The following PCDHA8 variants were observed in gnomAD, a reference collection of about 807,000 sequenced individuals.
The protein encoded by PCDHA8 is protocadherin alpha-8.
In PCDHA8, 53 loss-of-function variants were observed where a neutral mutation model predicts 61.8. That is an observed-to-expected ratio of 0.86 (90% CI 0.69 to 1.08). The LOEUF (loss-of-function observed/expected upper bound fraction) is 1.08, where lower values mean the gene tolerates loss of function less well. Among genes scored for constraint, PCDHA8 ranks in the 50% least tolerant of loss-of-function variants. The probability of loss-of-function intolerance (pLI) is 0.00; values close to 1 mark genes in which losing one functional copy is unlikely to be tolerated. For synonymous variants in PCDHA8, 618 were observed against 556.6 expected, an observed-to-expected ratio of 1.11 and a Z score of -1.55; for missense variants, 1,293 against 1,245.0, an observed-to-expected ratio of 1.04 and a Z score of -0.58.
chr5:140,870,319 T>A, intron 1 of PCDHA8: 1 of 1,614,162 alleles, frequency 6.2e-7, no homozygotes, highest in Non-Finnish European at 8.5e-7. Context: ...TTACTACTCG[T>A]TGGTGCTGGA....
chr5:140,914,944 C>CTTT (rs35695909), intron 1 of PCDHA8, among the ~76,000 whole-genome samples: 2 of 128,266 alleles, frequency 1.6e-5, no homozygotes, highest in Non-Finnish European at 3.3e-5. Context: ...GAAAAGTTGT[C>CTTT]TTTTTTTTTT....
chr5:140,950,100 A>G (rs964595718), intron 1 of PCDHA8, among the ~76,000 whole-genome samples: 1 of 151,910 alleles, frequency 6.6e-6, no homozygotes, highest in Non-Finnish European at 1.5e-5. Flanking sequence ...CATTTGTATT[A>G]AATCTCATAC....
chr5:140,920,841 TAA>T (rs781921146), intron 1 of PCDHA8, among the ~76,000 whole-genome samples: 15 of 109,130 alleles, frequency 1.4e-4, no homozygotes, highest in Admixed American at 1.9e-4. Flanking sequence ...AGACCAAATC[TAA>T]AAAAAAAAAA....
At chr5:140,869,020 T>C in intron 1 of PCDHA8, 8 of 1,525,458 alleles carry the variant, frequency 5.2e-6, no homozygotes, top group Non-Finnish European at 7.0e-6. Flanking sequence ...TTCTTAAGAA[T>C]TCAACGAGAT....
intron 1 of PCDHA8, among the ~76,000 whole-genome samples, chr5:140,906,524 G>A (rs1401305370): frequency 2.0e-5 from 3 of 152,156 alleles, no homozygotes; most frequent in Non-Finnish European, 2.9e-5. Context: ...AAATACTCAC[G>A]ACAATTAAAA....
At chr5:140,911,474 C>T (rs782702993) in intron 1 of PCDHA8, among the ~76,000 whole-genome samples, 45 of 152,144 alleles carry the variant, frequency 3.0e-4, no homozygotes, top group Non-Finnish European at 2.8e-4. Flanking sequence ...ATAAGACTCT[C>T]ACTCAGGGCA....
At chr5:141,009,271 A>G (rs1420991909) in intron 3 of PCDHA8, among the ~76,000 whole-genome samples, 15 of 152,156 alleles carry the variant, frequency 9.9e-5, no homozygotes, top group Admixed American at 6.5e-4. Context: ...CCTGGGCAAC[A>G]TAGTGAGATC....
At chr5:140,966,687 G>A in intron 1 of PCDHA8, 1 of 1,340,546 alleles carries the variant, frequency 7.5e-7, no homozygotes, top group East Asian at 2.9e-5. Flanking sequence ...ACGAGCGGAG[G>A]CGGGGCCCGG....
At chr5:140,850,806 G>A (rs1359393363) in intron 1 of PCDHA8, 2 of 1,598,276 alleles carry the variant, frequency 1.3e-6, no homozygotes, top group Non-Finnish European at 1.7e-6. Flanking sequence ...CGACCTCATG[G>A]CCTTCAGCCC....
intron 1 of PCDHA8, among the ~76,000 whole-genome samples, chr5:140,960,371 T>A (rs2095543916): frequency 6.6e-6 from 1 of 152,196 alleles, no homozygotes; most frequent in Non-Finnish European, 1.5e-5. Context: ...TGCCAACTCT[T>A]AAGTGCCAAG....
At chr5:140,975,750 CTA>C (rs2096680444) in intron 1 of PCDHA8, among the ~76,000 whole-genome samples, 2 of 152,118 alleles carry the variant, frequency 1.3e-5, no homozygotes, top group African/African-American at 4.8e-5. Flanking sequence ...CTCAAATATT[CTA>C]TGTCATAAAT....
At chr5:140,974,105 A>G (rs1173287678) in intron 1 of PCDHA8, among the ~76,000 whole-genome samples, 1 of 152,246 alleles carries the variant, frequency 6.6e-6, no homozygotes, top group African/African-American at 2.4e-5. Context: ...GGTTAAAAGT[A>G]TTCTTTTGCA....
chr5:141,000,887 AAC>A (rs1554257872), intron 3 of PCDHA8, among the ~76,000 whole-genome samples: 4 of 152,188 alleles, frequency 2.6e-5, no homozygotes. Context: ...CAACCTGGGC[AAC>A]AGATATAGAC....
intron 1 of PCDHA8, chr5:140,929,032 T>C (rs781951889): frequency 1.9e-6 from 3 of 1,614,236 alleles, no homozygotes; most frequent in East Asian, 2.2e-5. Flanking sequence ...CCCAGGCTGT[T>C]GCGCTCAGAG....
At position 140,856,354 on chromosome 5, in the gene PCDHA8, C is replaced by T. The variant is rs2043948019; in HGVS notation, c.2394+12639C>T. On this transcript the variant is annotated intron_variant, in intron 1 of 3. Coordinates refer to ENST00000531613, the MANE Select transcript of PCDHA8 (RefSeq NM_018911.3). ...TGTGCGGGCGGAGCGTGGAGTGCAGCATCCACCTGGAGGTGATCGTGGACA... is the reference window on the plus strand; with the variant it reads ...TGTGCGGGCGGAGCGTGGAGTGCAGTATCCACCTGGAGGTGATCGTGGACA... The T allele has an allele frequency of 3.8e-6, 6 of 1,598,616 alleles. 1 individual carries two copies. Among genetic ancestry groups the T allele is most frequent in the African/African-American group, 2.7e-5 (2 of 74,434 alleles).
intron 1 of PCDHA8, among the ~76,000 whole-genome samples, chr5:140,908,402 T>C (rs2073951162): frequency 6.6e-6 from 1 of 152,166 alleles, no homozygotes; most frequent in Non-Finnish European, 1.5e-5. Flanking sequence ...TATATACCAC[T>C]TCCATTTGAT....
Position 140,969,025 on chromosome 5 carries a change from T to G in PCDHA8, c.2395-9924T>G, listed in dbSNP as rs1554231368. On this transcript the variant is annotated intron_variant, in intron 1 of 3. Transcript: ENST00000531613. ...TCTGTGGAGTAAGGGAAAGGTCCCC[T>G]GCAGAACTGTACAAACAAGCCAACA... The G allele has an allele frequency of 1.9e-6, 3 of 1,614,178 alleles. No individual in the cohort carries two copies. The East Asian group carries it at 6.7e-5, about 36-fold the overall frequency.
At chr5:140,856,497 G>GA (rs781946866) in intron 1 of PCDHA8, 1 of 1,598,346 alleles carries the variant, frequency 6.3e-7, no homozygotes, top group Admixed American at 1.7e-5. Flanking sequence ...CTTGACTCTC[G>GA]ATTTCCACTA....
At chr5:140,869,899 G>T in intron 1 of PCDHA8, 1 of 1,610,464 alleles carries the variant, frequency 6.2e-7, no homozygotes, top group South Asian at 1.1e-5. Flanking sequence ...CAAACTAAAC[G>T]CCACAGACCG....
Sources: gnomAD v4.1 joint callset for allele counts (sites outside exome capture counted in the v4.1 genomes callset) on GRCh38, gnomAD v4.1.1 for gene constraint, MANE v1.5 for transcripts, NCBI Gene and HGNC (gene_info 2026-07-23, HGNC 2026-07-21) for gene names.